Variants in CACNA2D3 observed in about 807,000 individuals in gnomAD.
CACNA2D3 encodes the protein calcium voltage-gated channel auxiliary subunit alpha2delta 3, also known as voltage-dependent calcium channel subunit alpha-2/delta-3.
CACNA2D3 carries 60 observed loss-of-function variants against 160.6 expected under a neutral mutation model. That is an observed-to-expected ratio of 0.37 (90% confidence interval 0.30 to 0.46). CACNA2D3 has a LOEUF of 0.46. Among genes scored for constraint, CACNA2D3 ranks in the 20% least tolerant of loss-of-function variants. CACNA2D3 has a pLI of 1.00. For synonymous variants in CACNA2D3, 558 were observed against 492.9 expected, an observed-to-expected ratio of 1.13 and a Z score of -1.75; for missense variants, 1,205 against 1,365.0, an observed-to-expected ratio of 0.88 and a Z score of 1.85.
intron 11 of CACNA2D3, among the ~76,000 whole-genome samples, chr3:54,689,550 C>T (rs181281069): frequency 3.3e-5 from 5 of 152,252 alleles, no homozygotes; most frequent in African/African-American, 9.6e-5. Context: ...CCTCAACTAC[C>T]TCCCCAACTG....
At chr3:54,683,333 G>A (rs1157419707) in intron 11 of CACNA2D3, among the ~76,000 whole-genome samples, 1 of 152,174 alleles carries the variant, frequency 6.6e-6, no homozygotes, top group Non-Finnish European at 1.5e-5. Context: ...GCCTTGCTAT[G>A]TCTGGAAATA....
intron 2 of CACNA2D3, among the ~76,000 whole-genome samples, chr3:54,273,500 T>G (rs1702663907): frequency 6.6e-6 from 1 of 152,198 alleles, no homozygotes; most frequent in South Asian, 2.1e-4. Context: ...GTTCCTTGCG[T>G]TCTGGCTCTT....
intron 2 of CACNA2D3, among the ~76,000 whole-genome samples, chr3:54,237,011 T>C (rs575683607): frequency 8.7e-4 from 131 of 150,484 alleles, no homozygotes; most frequent in African/African-American, 2.7e-3. Flanking sequence ...GAAACTTCTT[T>C]TTTTTTTTTT....
chr3:54,864,384 G>A (rs1002384319), intron 17 of CACNA2D3, among the ~76,000 whole-genome samples: 7 of 151,234 alleles, frequency 4.6e-5, no homozygotes, highest in African/African-American at 1.2e-4. Context: ...AGCAATTTTT[G>A]TGCCTCAACC....
chr3:54,949,693 G>A (rs1701707302), intron 27 of CACNA2D3, among the ~76,000 whole-genome samples: 1 of 152,188 alleles, frequency 6.6e-6, no homozygotes, highest in South Asian at 2.1e-4. Flanking sequence ...AACATCGTTG[G>A]TCAGGGCCTC....
intron 2 of CACNA2D3, among the ~76,000 whole-genome samples, chr3:54,258,013 T>A (rs539388101): frequency 2.0e-5 from 3 of 152,296 alleles, no homozygotes; most frequent in African/African-American, 7.2e-5. Context: ...TGAGGTATTT[T>A]TATAAGTAAA....
At position 54,332,136 on chromosome 3, in the gene CACNA2D3, A is replaced by G. The variant is rs574394863; in HGVS notation, c.321+11578A>G. Among the ~76,000 whole-genome samples, 4 of 152,336 alleles carry G rather than the reference A, an allele frequency of 2.6e-5. No individual in the cohort carries two copies. The South Asian group carries it at 6.2e-4, about 24-fold the overall frequency. ...AAAGAGCATTAAGCCTTCATCAACAACAACACAAAGAGCTCACCATGGCAG... is the reference window on the plus strand; with the variant it reads ...AAAGAGCATTAAGCCTTCATCAACAGCAACACAAAGAGCTCACCATGGCAG... On this transcript the variant is annotated intron_variant, in intron 3 of 37. Transcript: ENST00000474759.
chr3:54,463,386 C>T (rs1261887832), intron 4 of CACNA2D3, among the ~76,000 whole-genome samples: 3 of 152,218 alleles, frequency 2.0e-5, no homozygotes, highest in Non-Finnish European at 4.4e-5. Flanking sequence ...AACTTGGTTC[C>T]ATTCTTCCCG....
chr3:54,870,286 C>T (rs1274504927), intron 17 of CACNA2D3, among the ~76,000 whole-genome samples: 1 of 152,164 alleles, frequency 6.6e-6, no homozygotes, highest in East Asian at 1.9e-4. Flanking sequence ...GCCTCAGCAC[C>T]TGTCTCCATA....
At chr3:54,760,195 A>G (rs1194251262) in intron 12 of CACNA2D3, among the ~76,000 whole-genome samples, 7 of 151,538 alleles carry the variant, frequency 4.6e-5, no homozygotes, top group African/African-American at 1.7e-4. Context: ...TGCAGGGTGA[A>G]GGGAGAGGAA....
intron 13 of CACNA2D3, 78 bp downstream of exon 13, chr3:54,764,429 C>G: frequency 6.6e-7 from 1 of 1,524,408 alleles, no homozygotes; most frequent in Non-Finnish European, 9.0e-7. Flanking sequence ...AAAATAGCAA[C>G]TGTATCACTC....
At chr3:54,462,401 T>A (rs1700523904) in intron 4 of CACNA2D3, among the ~76,000 whole-genome samples, 1 of 152,216 alleles carries the variant, frequency 6.6e-6, no homozygotes, top group African/African-American at 2.4e-5. Flanking sequence ...TACTATTGTG[T>A]GGGAGTCTAA....
intron 35 of CACNA2D3, among the ~76,000 whole-genome samples, chr3:55,035,417 C>A (rs985324140): frequency 3.3e-5 from 5 of 152,094 alleles, no homozygotes; most frequent in Non-Finnish European, 7.4e-5. Context: ...GCTATAAGTA[C>A]AACTAATCAG....
intron 12 of CACNA2D3, among the ~76,000 whole-genome samples, chr3:54,755,574 A>G (rs947862323): frequency 6.6e-6 from 1 of 152,170 alleles, no homozygotes; most frequent in Non-Finnish European, 1.5e-5. Flanking sequence ...ACTAAAAGGT[A>G]TCAATAATTC....
chr3:54,808,870 G>A (rs1381353730), intron 13 of CACNA2D3, among the ~76,000 whole-genome samples: 1 of 152,118 alleles, frequency 6.6e-6, no homozygotes, highest in Non-Finnish European at 1.5e-5. Flanking sequence ...TGAGGTTGGT[G>A]ATTACTGTAA....
Position 54,891,685 on chromosome 3 carries a change from G to C in CACNA2D3, c.2246+235G>C, listed in dbSNP as rs375352646. On this transcript the variant is annotated intron_variant, in intron 25 of 37. Transcript: ENST00000474759. ...TCAGGCTTGTTGGCTTCTGTCCACTGTCCTGGAGTCCTCTCCCGCCCTGAT... is the reference window on the plus strand; with the variant it reads ...TCAGGCTTGTTGGCTTCTGTCCACTCTCCTGGAGTCCTCTCCCGCCCTGAT... Among the ~76,000 whole-genome samples, 134 of 152,258 alleles carry C rather than the reference G, an allele frequency of 8.8e-4. 1 individual carries two copies. The highest frequency in any genetic ancestry group is 3.3e-3 in the Admixed American group (51 of 15,296).
intron 17 of CACNA2D3, among the ~76,000 whole-genome samples, chr3:54,865,298 A>G (rs1002016044): frequency 1.3e-5 from 2 of 152,230 alleles, no homozygotes; most frequent in African/African-American, 4.8e-5. Flanking sequence ...TTATTTTCCA[A>G]ATTTTCAACA....
intron 3 of CACNA2D3, among the ~76,000 whole-genome samples, chr3:54,370,473 G>C (rs1486179967): frequency 6.6e-6 from 1 of 152,086 alleles, no homozygotes; most frequent in South Asian, 2.1e-4. Flanking sequence ...CCATATATAA[G>C]GAATGCTTAA....
chr3:54,253,251 T>C (rs1702230710), intron 2 of CACNA2D3, among the ~76,000 whole-genome samples: 5 of 152,278 alleles, frequency 3.3e-5, no homozygotes, highest in Admixed American at 1.3e-4. Flanking sequence ...CTCACCTTGC[T>C]ATAAAGAAAT....
Sources: gnomAD v4.1 joint callset for allele counts (sites outside exome capture counted in the v4.1 genomes callset) on GRCh38, gnomAD v4.1.1 for gene constraint, MANE v1.5 for transcripts, NCBI Gene and HGNC (gene_info 2026-07-23, HGNC 2026-07-21) for gene names.